TONSL: variants seen among roughly 807,000 people sequenced by gnomAD.
The protein encoded by TONSL is tonsoku like, DNA repair protein, also known as tonsoku-like protein.
TONSL carries 112 observed loss-of-function variants against 147.1 expected under a neutral mutation model. The observed-to-expected ratio is 0.76, with a 90% CI of 0.65 to 0.89. TONSL has a LOEUF of 0.89. TONSL is among the 40% of genes least tolerant of loss of function. TONSL has a pLI of 0.00. For missense variants in TONSL, 1,883 were observed against 1,864.6 expected (o/e 1.01, Z -0.18); for synonymous variants, 868 against 801.5 (o/e 1.08, Z -1.40).
chr8:144,435,404 C>T (rs905221271), intron 18 of TONSL, 70 bp downstream of exon 18: 17 of 1,386,912 alleles, frequency 1.2e-5, no homozygotes, highest in Admixed American at 4.9e-5. Flanking sequence ...CCCACCCTGA[C>T]ATGCAAACAC....
At chr8:144,439,545 G>A (rs530712686) in intron 11 of TONSL, among the ~76,000 whole-genome samples, 1 of 152,172 alleles carries the variant, frequency 6.6e-6, no homozygotes, top group South Asian at 2.1e-4. Context: ...CGCTAACCCC[G>A]CTCTCAGCCC....
Position 144,432,305 on chromosome 8 carries a change from C to T in TONSL, c.3715G>A (p.Val1239Ile), listed in dbSNP as rs377009658. 4.3e-6 allele frequency: 7 copies of T among 1,613,648 alleles called. No individual in the cohort carries two copies. Among genetic ancestry groups the T allele is most frequent in the African/African-American group, 1.3e-5 (1 of 74,914 alleles). ...GKGDSDLMEP[V>I]FRYLAKEGCA... ...CGTACCTTGGCCAGGTATCGGAATA[C>T]AGGCTCCATGAGGTCCGAATCACCC... Residue 1239 changes from valine (V) to isoleucine (I), a missense_variant, in exon 23 of 26, where the codon GTA (valine) becomes ATA (isoleucine). Physicochemically the swap from Val to Ile is conservative, Grantham distance 29. Transcript: ENST00000409379.
rs1823664133 is a variant in TONSL, at chr8:144,440,376, T to C, written c.1265A>G (p.Gln422Arg). 2.5e-6 allele frequency: 4 copies of C among 1,602,390 alleles called. No individual in the cohort carries two copies. In the East Asian group the frequency reaches 9.0e-5, roughly 36 times the overall value. ...CTGCAGCTGGGGACGCTGGGCCTGC[T>C]GGGCACAGCTGAGCGCTTTCTGGAA... ...PCFQKALSCA[Q>R]QAQRPQLQRQ... The change falls in exon 10 of 26, where the codon CAG becomes CGG. Residue 422 changes from glutamine (Q) to arginine (R), a missense_variant. Transcript: ENST00000409379.
intron 22 of TONSL, chr8:144,432,685 C>T (rs1156618680): frequency 4.4e-6 from 2 of 454,138 alleles, no homozygotes; most frequent in African/African-American, 2.0e-5. Flanking sequence ...ACAACTTGCC[C>T]TCTCCCACCC....
rs1823346614 is a variant in TONSL, at chr8:144,434,365, C to T, written c.3086-86G>A. 5 of 1,207,444 alleles carry T rather than the reference C, an allele frequency of 4.1e-6. No individual in the cohort carries two copies. The South Asian group carries it at 8.3e-5, about 20-fold the overall frequency. 74.8% of individuals were successfully genotyped at this position (1,207,444 alleles called of 1,614,324 possible). On this transcript the variant is annotated intron_variant, in intron 20 of 25. Coordinates refer to ENST00000409379, the MANE Select transcript of TONSL (RefSeq NM_013432.5). ...GAGGGCAAACCAGGCAGCCCCTTTTCAACAGCCCCAGGGGTCACCCACCAG... is the reference window on the plus strand; with the variant it reads ...GAGGGCAAACCAGGCAGCCCCTTTTTAACAGCCCCAGGGGTCACCCACCAG...
At chr8:144,432,028 A>G (rs1404291966) in intron 23 of TONSL, among the ~76,000 whole-genome samples, 2 of 151,524 alleles carry the variant, frequency 1.3e-5, no homozygotes, top group African/African-American at 4.9e-5. Flanking sequence ...AGGTTTCACC[A>G]TGTTGGCCAG....
chr8:144,428,956 A>AT lies in TONSL; in HGVS notation c.*186dup. 1 of 600,182 alleles carries AT rather than the reference A, an allele frequency of 1.7e-6. No homozygotes were observed. The highest frequency in any genetic ancestry group is 3.6e-5 in the East Asian group (1 of 27,950). 37.2% of individuals were successfully genotyped at this position (600,182 alleles called of 1,614,324 possible). ...AGGCTTCCACCACCACGCCCGGCTA[A>AT]TTTTTGGTATTTTTAGTAGAGACGG... On this transcript the variant is annotated 3_prime_UTR_variant, in exon 26 of 26. Transcript: ENST00000409379.
intron 6 of TONSL, 25 bp downstream of exon 6, chr8:144,442,216 G>A (rs768089580): frequency 6.3e-7 from 1 of 1,590,236 alleles, no homozygotes; most frequent in East Asian, 2.2e-5. Context: ...GAGAGCCTGA[G>A]CTCGGAGCCA....
chr8:144,444,309 G>A (rs557769052), intron 1 of TONSL, 34 bp from the exon 2 acceptor site: 7 of 1,349,998 alleles, frequency 5.2e-6, no homozygotes, highest in Non-Finnish European at 6.7e-6. Flanking sequence ...GGCCTCCGCG[G>A]CGGGGTCCGG....
Position 144,436,586 on chromosome 8 carries a change from C to A in TONSL, c.1986G>T (p.Met662Ile), listed in dbSNP as rs902350217. The A allele has an allele frequency of 1.9e-6, 3 of 1,611,394 alleles. No individual in the cohort carries two copies. The highest frequency in any genetic ancestry group is 2.7e-5 in the African/African-American group (2 of 75,060). Residue 662 changes from methionine to isoleucine, a missense_variant, in exon 16 of 26, where the codon ATG becomes ATT. By Grantham distance (10) the Met-to-Ile change is conservative (BLOSUM62 1). Transcript: ENST00000409379. ...ETRQKARAME[M>I]LLQAAASGQD... is the part of the protein sequence containing the mutation. Reference sequence around the variant, plus strand: ...GGCCCGAGGCAGCCGCCTGGAGCAGCATCTCCATGGCCCTGGCCTTCTGCC... The same window carrying A: ...GGCCCGAGGCAGCCGCCTGGAGCAGAATCTCCATGGCCCTGGCCTTCTGCC...
rs374183053 is a variant in TONSL, at chr8:144,435,698, G to A, written c.2735C>T (p.Ser912Leu). ...CGCAGAGCTGTCCCCACTGGGCTCT[G>A]AGACCCTGGGGGTGCTGGGGCTCCC... ...PPGSPSTPRV[S>L]EPSGDSSAAG... Residue 912 changes from serine to leucine, a missense_variant, in exon 17 of 26, where the codon TCA (serine) becomes TTA (leucine). Transcript: ENST00000409379. The A allele has an allele frequency of 4.3e-5, 69 of 1,610,970 alleles. No individual in the cohort carries two copies. The highest frequency in any genetic ancestry group is 5.2e-5 in the Non-Finnish European group (61 of 1,178,470).
Position 144,435,292 on chromosome 8 carries a change from G to T in TONSL, c.2853-122C>A, listed in dbSNP as rs144816796. 7.4e-6 allele frequency: 10 copies of T among 1,354,038 alleles called. No individual in the cohort carries two copies. In the African/African-American group the frequency reaches 1.5e-4, roughly 20 times the overall value. 83.9% of individuals were successfully genotyped at this position (1,354,038 alleles called of 1,614,324 possible). Reference sequence around the variant, plus strand: ...CTGCTTCTCCCATTCCCAGGTAGCCGGCCCCTCCTCTCCCTGCAGCCCAGC... The same window carrying T: ...CTGCTTCTCCCATTCCCAGGTAGCCTGCCCCTCCTCTCCCTGCAGCCCAGC... On this transcript the variant is annotated intron_variant, in intron 18 of 25. Transcript: ENST00000409379.
chr8:144,433,433 C>T, intron 22 of TONSL, 155 bp downstream of exon 22: 1 of 751,252 alleles, frequency 1.3e-6, no homozygotes, highest in Non-Finnish European at 2.2e-6. Flanking sequence ...TTTCCTGGAA[C>T]TCTTGGCTCA....
chr8:144,442,578 G>T, intron 5 of TONSL, 99 bp downstream of exon 5: 1 of 1,524,464 alleles, frequency 6.6e-7, no homozygotes. Context: ...GGCCCAGCCA[G>T]ACTGCTCTCT....
intron 23 of TONSL, among the ~76,000 whole-genome samples, 160 bp from the exon 24 acceptor site, chr8:144,431,311 T>A (rs1397710447): frequency 6.6e-6 from 1 of 152,186 alleles, no homozygotes; most frequent in Non-Finnish European, 1.5e-5. Context: ...GGTCACACTC[T>A]GCACGTGATA....
Position 144,442,115 on chromosome 8 carries a change from G to C in TONSL, c.787C>G (p.Arg263Gly). 6.2e-7 allele frequency: 1 copy of C among 1,612,626 alleles called. No individual in the cohort carries two copies. The change falls in exon 7 of 26, where the codon CGA becomes GGA. Residue 263 changes from arginine (R) to glycine (G), a missense_variant. Transcript: ENST00000409379. ...QDLGDFLAAK[R>G]ALKKAYRLGS... is the part of the protein sequence containing the mutation. ...AGCCTGTAGGCCTTCTTCAGGGCTC[G>C]CTTGGCAGCCAAAAAGTCTCCCAGG...
In TONSL at chr8:144,442,277, C is replaced by T. The variant is rs1823749312; in HGVS notation, c.714G>A (p.Arg238=). The T allele has an allele frequency of 6.3e-7, 1 of 1,595,632 alleles. No individual in the cohort carries two copies. Among genetic ancestry groups the T allele is most frequent in the South Asian group, 1.1e-5 (1 of 90,242 alleles). ...ARECAHTMRK[R]FMESECCVVI... is the part of the protein sequence containing the mutation. ...CCACGCAGCACTCGCTCTCCATGAA[C>T]CGCTTCCTCATGGTGTGCGCACACT... The change falls in exon 6 of 26, where the codon CGG becomes CGA. Residue 238 remains arginine, a synonymous_variant. Coordinates refer to ENST00000409379, the MANE Select transcript of TONSL (RefSeq NM_013432.5).
chr8:144,439,894 G>C, intron 11 of TONSL, 127 bp downstream of exon 11: 1 of 599,732 alleles, frequency 1.7e-6, no homozygotes, highest in East Asian at 2.9e-5. Context: ...GGAAAGCACT[G>C]GCCGTCCTGC....
chr8:144,436,331 G>A lies in TONSL; in HGVS notation c.2102C>T (p.Pro701Leu). The change falls in exon 17 of 26, where the codon CCC becomes CTC. Residue 701 changes from proline (P) to leucine (L), a missense_variant. Transcript: ENST00000409379. The stretch of plus-strand genomic sequence containing the variant: ...TGGGAGTCTAGTGCTATTAGAGGGG[G>A]GTTCTGGGCAGGGGCTCAAAGGAGG... The part of the protein sequence containing the change: ...TSPPLSPCPE[P>L]PSNSTRLPEA... 1 of 1,502,248 alleles carries A rather than the reference G, an allele frequency of 6.7e-7. No individual in the cohort carries two copies. Among genetic ancestry groups the A allele is most frequent in the Non-Finnish European group, 8.8e-7 (1 of 1,132,816 alleles). The allele number at this position is 1,502,248 out of a possible 1,614,324, so 93.1% of individuals were successfully genotyped here. A position where few individuals can be genotyped will look rare whatever the true frequency, so the allele number is the denominator to read the frequency against.
Sources: allele counts gnomAD v4.1 joint callset (sites outside exome capture counted in the v4.1 genomes callset), GRCh38; gene constraint gnomAD v4.1.1; transcripts MANE v1.5; gene names NCBI Gene and HGNC (gene_info 2026-07-23, HGNC 2026-07-21).